The following CDH18 variants were observed in gnomAD, a reference collection of about 807,000 sequenced individuals.
CDH18 encodes cadherin 18.
Under a neutral mutation model 67.9 loss-of-function variants are expected in CDH18, and 31 were observed. The ratio of observed to expected loss-of-function variants is 0.46; its 90% CI spans 0.34 to 0.62. The LOEUF (loss-of-function observed/expected upper bound fraction) is 0.62, where lower values mean the gene tolerates loss of function less well. Among genes scored for constraint, CDH18 ranks in the 20% least tolerant of loss-of-function variants. The probability of loss-of-function intolerance (pLI) is 0.01; values close to 1 mark genes in which losing one functional copy is unlikely to be tolerated. For missense variants in CDH18, 890 were observed against 975.5 expected, an observed-to-expected ratio of 0.91 and a Z score of 1.17; for synonymous variants, 362 against 347.2, an observed-to-expected ratio of 1.04 and a Z score of -0.48.
At chr5:20,190,914 C>A (rs1163651751) in intron 2 of CDH18, among the ~76,000 whole-genome samples, 1 of 152,080 alleles carries the variant, frequency 6.6e-6, no homozygotes, top group African/African-American at 2.4e-5. Flanking sequence ...GAGAAAACTT[C>A]TACTAAAAAA....
At chr5:19,906,289 C>T (rs1790528412) in intron 2 of CDH18, among the ~76,000 whole-genome samples, 1 of 151,864 alleles carries the variant, frequency 6.6e-6, no homozygotes, top group South Asian at 2.1e-4. Context: ...ACACCTTCTA[C>T]CCCAGATCCT....
rs1357289545 is a variant in CDH18, at chr5:19,571,707, C to T, written c.1125G>A (p.Gly375=). 6.2e-7 allele frequency: 1 copy of T among 1,613,884 alleles called. No individual in the cohort carries two copies. Among genetic ancestry groups the T allele is most frequent in the Non-Finnish European group, 8.5e-7 (1 of 1,179,920 alleles). Residue 375 remains glycine (G), a synonymous_variant, in exon 8 of 13, where the codon GGG becomes GGA. Coordinates refer to ENST00000382275, the MANE Select transcript of CDH18 (RefSeq NM_004934.5). ...AAAATAGTGGTGGTTCATCTACATC[C>T]CCAACAATGATCTTCAGCATAGTAG... ...KDATMLKIIV[G]DVDEPPLFSM...
At chr5:19,584,886 C>G (rs983661266) in intron 7 of CDH18, among the ~76,000 whole-genome samples, 3 of 149,906 alleles carry the variant, frequency 2.0e-5, no homozygotes, top group Admixed American at 2.0e-4. Context: ...TCCCAGCTAC[C>G]AGGGAGACTG....
At chr5:19,943,882 A>C (rs1795061556) in intron 2 of CDH18, among the ~76,000 whole-genome samples, 1 of 152,122 alleles carries the variant, frequency 6.6e-6, no homozygotes, top group African/African-American at 2.4e-5. Flanking sequence ...TTCTAAAAGC[A>C]ATGAAATATA....
chr5:20,402,898 C>G (rs1477375729), intron 1 of CDH18, among the ~76,000 whole-genome samples: 1 of 151,288 alleles, frequency 6.6e-6, no homozygotes, highest in African/African-American at 2.4e-5. Flanking sequence ...ACAGAGCAAG[C>G]CTTCATCTTG....
rs191781048 is a variant in CDH18 at position 20,263,927 on chromosome 5, C to A, written c.-579-8422G>T. Among the ~76,000 whole-genome samples the A allele has an allele frequency of 7.9e-5, 12 of 151,916 alleles. No homozygotes were observed. The East Asian group carries it at 2.1e-3, about 27-fold the overall frequency. On this transcript the variant is annotated intron_variant, in intron 1 of 14. Coordinates refer to the CDH18 transcript ENST00000507958. Reference sequence around the variant, plus strand: ...GTTATGGTATTTTAAATCTTATTTACCTAAATATAAAAATACAAATACATA... The same window carrying A: ...GTTATGGTATTTTAAATCTTATTTAACTAAATATAAAAATACAAATACATA...
At chr5:20,376,091 ATTTTTTT>A (rs562655039) in intron 1 of CDH18, among the ~76,000 whole-genome samples, 9 of 49,768 alleles carry the variant, frequency 1.8e-4, no homozygotes, top group East Asian at 6.6e-4. Flanking sequence ...AAAAGAAACA[ATTTTTTT>A]TTTTTTTTTT....
intron 1 of CDH18, among the ~76,000 whole-genome samples, chr5:20,541,419 TA>T (rs1264055009): frequency 6.6e-6 from 1 of 152,206 alleles, no homozygotes; most frequent in Non-Finnish European, 1.5e-5. Context: ...AGATAAATGG[TA>T]GTCTTTAAAT....
intron 3 of CDH18, among the ~76,000 whole-genome samples, chr5:19,778,613 C>CT (rs1430050535): frequency 6.6e-6 from 1 of 152,142 alleles, no homozygotes; most frequent in Non-Finnish European, 1.5e-5. Flanking sequence ...TGGTTTTCCT[C>CT]TTTACCAGCC....
At chr5:19,591,621 T>C (rs1000668687) in intron 6 of CDH18, among the ~76,000 whole-genome samples, 2 of 152,014 alleles carry the variant, frequency 1.3e-5, no homozygotes, top group Admixed American at 6.6e-5. Flanking sequence ...AAATGTGAAG[T>C]TCAAATATAA....
rs186177271 is a variant in CDH18 at position 19,516,675 on chromosome 5, C to T, written c.1512+3982G>A. On this transcript the variant is annotated intron_variant, in intron 10 of 12. Transcript: ENST00000382275. ...TATTCTCTGATGGTAGTTTGTATTTCTGTGGGATCGGTAGTGATATCCCCT... is the reference window on the plus strand; with the variant it reads ...TATTCTCTGATGGTAGTTTGTATTTTTGTGGGATCGGTAGTGATATCCCCT... Among the ~76,000 whole-genome samples the T allele has an allele frequency of 4.8e-3, 725 of 152,224 alleles. 6 individuals are homozygous for T. The highest frequency in any genetic ancestry group is 0.017 in the Middle Eastern group (5 of 294).
intron 2 of CDH18, among the ~76,000 whole-genome samples, chr5:20,190,800 G>C (rs1010034941): frequency 3.3e-5 from 5 of 152,048 alleles, no homozygotes; most frequent in African/African-American, 9.7e-5. Flanking sequence ...AGCTAAATCT[G>C]ATACATTTCC....
intron 1 of CDH18, among the ~76,000 whole-genome samples, chr5:20,264,758 C>T (rs1687492317): frequency 6.6e-6 from 1 of 152,094 alleles, no homozygotes; most frequent in South Asian, 2.1e-4. Context: ...ATTTCAAAAT[C>T]TTGGTTTTGA....
At chr5:20,270,798 C>G (rs1215241319) in intron 1 of CDH18, among the ~76,000 whole-genome samples, 1 of 136,896 alleles carries the variant, frequency 7.3e-6, no homozygotes, top group East Asian at 2.1e-4. Flanking sequence ...GAATACTACA[C>G]AACCATAAAA....
At position 20,427,502 on chromosome 5, in the gene CDH18, C is replaced by T. The variant is rs530288499; in HGVS notation, c.-580+147960G>A. Among the ~76,000 whole-genome samples, 8 of 151,224 alleles carry T rather than the reference C, an allele frequency of 5.3e-5. No homozygotes were observed. The South Asian group carries it at 1.5e-3, about 27-fold the overall frequency. On this transcript the variant is annotated intron_variant, in intron 1 of 14. Transcript: ENST00000507958. ...ATTCAAGCAAATTTTCAAATATGAG[C>T]AAGAATTCTAAGACTTTTTGTTTTC...
chr5:20,111,507 T>C (rs959441898), intron 2 of CDH18, among the ~76,000 whole-genome samples: 1 of 145,798 alleles, frequency 6.9e-6, no homozygotes, highest in Non-Finnish European at 1.5e-5. Context: ...TCTTCCTTCC[T>C]TCCCTCCCTC....
chr5:20,568,094 A>G (rs1758615488), intron 1 of CDH18, among the ~76,000 whole-genome samples: 1 of 152,184 alleles, frequency 6.6e-6, no homozygotes, highest in African/African-American at 2.4e-5. Flanking sequence ...TTGAACCTGT[A>G]GATTAGCCCT....
intron 1 of CDH18, among the ~76,000 whole-genome samples, chr5:20,312,501 A>G (rs1429300778): frequency 6.6e-6 from 1 of 152,124 alleles, no homozygotes; most frequent in African/African-American, 2.4e-5. Context: ...AGAAATGATG[A>G]TTTGCTCAGC....
chr5:20,524,922 T>C (rs1266973545), intron 1 of CDH18, among the ~76,000 whole-genome samples: 4 of 152,114 alleles, frequency 2.6e-5, no homozygotes, highest in African/African-American at 7.2e-5. Flanking sequence ...GAAGAGAAGA[T>C]AGCAACAAGG....
Sources: allele counts gnomAD v4.1 joint callset (sites outside exome capture counted in the v4.1 genomes callset), GRCh38; gene constraint gnomAD v4.1.1; transcripts MANE v1.5; gene names NCBI Gene and HGNC (gene_info 2026-07-23, HGNC 2026-07-21).